Variants in LARP1B observed in about 807,000 individuals in gnomAD.
LARP1B encodes La ribonucleoprotein 1B, also known as la-related protein 1B.
LARP1B carries 76 observed loss-of-function variants against 114.2 expected under a neutral mutation model. That is an observed-to-expected ratio of 0.67 (90% CI 0.55 to 0.81). LARP1B has a LOEUF of 0.81. LARP1B is among the 30% of genes least tolerant of loss of function. LARP1B has a pLI of 0.00. For missense variants in LARP1B, 1,014 were observed against 1,075.8 expected, an observed-to-expected ratio of 0.94 and a Z score of 0.80; for synonymous variants, 345 against 348.0, an observed-to-expected ratio of 0.99 and a Z score of 0.10.
intron 11 of LARP1B, chr4:128,155,457 C>T: frequency 5.4e-6 from 4 of 740,702 alleles, no homozygotes; most frequent in Non-Finnish European, 9.7e-6. Flanking sequence ...CCCCGCGCAG[C>T]CCCCCGGCCG....
chr4:128,119,738 A>G (rs1787271510), intron 10 of LARP1B, among the ~76,000 whole-genome samples: 2 of 152,146 alleles, frequency 1.3e-5, no homozygotes, highest in South Asian at 2.1e-4. Context: ...TTTATTATCA[A>G]TACAATCCCA....
chr4:128,102,178 T>A (rs1048724229), intron 8 of LARP1B, among the ~76,000 whole-genome samples: 3 of 152,176 alleles, frequency 2.0e-5, no homozygotes, highest in African/African-American at 4.8e-5. Flanking sequence ...ACCTACCATT[T>A]GTAATAGTAG....
intron 8 of LARP1B, among the ~76,000 whole-genome samples, chr4:128,103,248 C>G (rs954418910): frequency 6.6e-6 from 1 of 152,020 alleles, no homozygotes; most frequent in Admixed American, 6.6e-5. Context: ...CTTTTATGGC[C>G]TGAGTGATGA....
At chr4:128,158,447 T>C (rs1736854381) in intron 11 of LARP1B, among the ~76,000 whole-genome samples, 1 of 152,116 alleles carries the variant, frequency 6.6e-6, no homozygotes, top group African/African-American at 2.4e-5. Flanking sequence ...GATTGATAAA[T>C]TGCACTACAT....
intron 5 of LARP1B, among the ~76,000 whole-genome samples, chr4:128,083,229 C>G (rs1580016922): frequency 8.5e-5 from 13 of 152,290 alleles, no homozygotes; most frequent in African/African-American, 2.6e-4. Context: ...TCCACACAGA[C>G]ACGGCAACCA....
intron 11 of LARP1B, among the ~76,000 whole-genome samples, chr4:128,153,699 T>TA (rs1369639346): frequency 6.6e-6 from 1 of 152,220 alleles, no homozygotes; most frequent in African/African-American, 2.4e-5. Context: ...ACTCTATTCT[T>TA]AAGTTTTGGG....
At chr4:128,167,029 C>T (rs1002012108) in intron 12 of LARP1B, among the ~76,000 whole-genome samples, 19 of 147,448 alleles carry the variant, frequency 1.3e-4, no homozygotes, top group East Asian at 3.9e-4. Context: ...TACATACACA[C>T]GTGTGTACGT....
Position 128,162,228 on chromosome 4 carries a change from T to C in LARP1B, c.1559T>C (p.Ile520Thr). Reference protein sequence around the residue: ...EVENFKKLNLISKEQFENLTP... With the variant: ...EVENFKKLNLTSKEQFENLTP... ...GAGAACTTTAAGAAGCTAAATCTCA[T>C]TAGTAAAGAGCAGTTTGAAAACCTA... is the stretch of plus-strand genomic sequence containing the variant. Residue 520 changes from isoleucine to threonine, a missense_variant, in exon 12 of 20, where the codon ATT (isoleucine) becomes ACT (threonine). Ile to Thr is a moderately conservative substitution (Grantham distance 89, BLOSUM62 -1). Transcript: ENST00000326639. 1 of 1,612,592 alleles carries C rather than the reference T, an allele frequency of 6.2e-7. No individual in the cohort carries two copies. The highest frequency in any genetic ancestry group is 8.5e-7 in the Non-Finnish European group (1 of 1,178,920).
intron 8 of LARP1B, among the ~76,000 whole-genome samples, chr4:128,104,351 T>G (rs1051670007): frequency 4.6e-5 from 7 of 152,224 alleles, no homozygotes; most frequent in Admixed American, 1.3e-4. Context: ...TCTGTGAGAT[T>G]TATTCATATT....
intron 1 of LARP1B, among the ~76,000 whole-genome samples, chr4:128,062,920 A>C (rs1426806888): frequency 6.6e-6 from 1 of 152,168 alleles, no homozygotes; most frequent in East Asian, 1.9e-4. Flanking sequence ...TAATTAAAAA[A>C]AATAAAGTGC....
chr4:128,075,043 A>T, intron 3 of LARP1B, 50 bp downstream of exon 3: 1 of 1,129,714 alleles, frequency 8.9e-7, no homozygotes, highest in Non-Finnish European at 1.3e-6. Context: ...AAATGTATTC[A>T]TTTCGACATG....
intron 11 of LARP1B, among the ~76,000 whole-genome samples, chr4:128,147,789 G>A (rs1273348950): frequency 1.3e-5 from 2 of 151,962 alleles, no homozygotes; most frequent in African/African-American, 4.8e-5. Flanking sequence ...AAGAGTTATG[G>A]CCAGTAATTA....
Position 128,209,938 on chromosome 4 carries a change from A to T in LARP1B, c.2630A>T (p.Asn877Ile). 6.2e-7 allele frequency: 1 copy of T among 1,613,868 alleles called. No homozygotes were observed. The highest frequency in any genetic ancestry group is 1.1e-5 in the South Asian group (1 of 91,076). ...EESNRHRLPP[N>I]SSTKPPNAAK... ...AGTAATCGTCATAGACTTCCACCTAATTCCTCTACAAAGCCACCAAATGCT... is the reference window on the plus strand; with the variant it reads ...AGTAATCGTCATAGACTTCCACCTATTTCCTCTACAAAGCCACCAAATGCT... The change falls in exon 20 of 20, where the codon AAT becomes ATT. Residue 877 changes from asparagine (N) to isoleucine (I), a missense_variant. Coordinates refer to ENST00000326639, the MANE Select transcript of LARP1B (RefSeq NM_018078.4).
At chr4:128,200,215 A>C (rs1296001733) in intron 16 of LARP1B, among the ~76,000 whole-genome samples, 1 of 152,224 alleles carries the variant, frequency 6.6e-6, no homozygotes, top group East Asian at 1.9e-4. Context: ...TTTTGGCACC[A>C]GGGACCTGTT....
chr4:128,122,150 T>C lies in LARP1B; in HGVS notation c.1486T>C (p.Trp496Arg), dbSNP rs759119404. ...CTTATACTATTATGAACAGGATCTA[T>C]GGATGGAAGAAGATGAAAACAAACA... ...DGLYYYEQDL[W>R]MEEDENKHTA... The change falls in exon 11 of 20, where the codon TGG (tryptophan) becomes CGG (arginine). Residue 496 changes from tryptophan (W) to arginine (R), a missense_variant. Trp to Arg is a moderately radical substitution (Grantham distance 101, BLOSUM62 -3). Transcript: ENST00000326639. 1.2e-6 allele frequency: 2 copies of C among 1,613,946 alleles called. No homozygotes were observed. The highest frequency in any genetic ancestry group is 1.7e-4 in the Middle Eastern group (1 of 6,058).
intron 7 of LARP1B, among the ~76,000 whole-genome samples, chr4:128,094,268 T>C (rs528252107): frequency 6.6e-6 from 1 of 152,176 alleles, no homozygotes; most frequent in East Asian, 1.9e-4. Flanking sequence ...ATTAATTGTT[T>C]GTGATGTCAG....
intron 12 of LARP1B, among the ~76,000 whole-genome samples, chr4:128,169,637 A>C (rs1035417981): frequency 2.0e-5 from 3 of 151,932 alleles, no homozygotes; most frequent in African/African-American, 7.2e-5. Context: ...ATCTATCTAT[A>C]TATTTTTTTA....
chr4:128,083,805 C>T (rs1441803790), intron 5 of LARP1B, among the ~76,000 whole-genome samples: 1 of 149,886 alleles, frequency 6.7e-6, no homozygotes. Flanking sequence ...GGGGGCTGAC[C>T]CCCCCACCTC....
intron 11 of LARP1B, chr4:128,155,844 G>A: frequency 6.4e-7 from 1 of 1,569,204 alleles, no homozygotes; most frequent in Non-Finnish European, 8.8e-7. Flanking sequence ...GAGAGATCGA[G>A]GAGCTGCAGA....
Sources: gnomAD v4.1 joint callset for allele counts (sites outside exome capture counted in the v4.1 genomes callset) on GRCh38, gnomAD v4.1.1 for gene constraint, MANE v1.5 for transcripts, NCBI Gene and HGNC (gene_info 2026-07-23, HGNC 2026-07-21) for gene names.